MAP3K9: variants seen among roughly 807,000 people sequenced by gnomAD.
MAP3K9 encodes the protein mixed lineage kinase 1 (tyr and ser/thr specificity).
Under a neutral mutation model 95.8 loss-of-function variants are expected in MAP3K9, and 46 were observed. The observed-to-expected ratio is 0.48, with a 90% CI of 0.38 to 0.61. MAP3K9 has a LOEUF of 0.61. MAP3K9 is among the 20% of genes least tolerant of loss of function. The pLI is 0.00. For missense variants in MAP3K9, 1,296 were observed against 1,474.3 expected (o/e 0.88, Z 1.98); for synonymous variants, 533 against 593.8 (o/e 0.90, Z 1.49).
At chr14:70,798,463 C>T (rs1342961745) in intron 2 of MAP3K9, among the ~76,000 whole-genome samples, 7 of 69,938 alleles carry the variant, frequency 1.0e-4, no homozygotes, top group Admixed American at 4.3e-4. Flanking sequence ...GAAAAGAGGT[C>T]ACCAAAAGTT....
At chr14:70,750,541 G>A (rs547506955) in intron 3 of MAP3K9, among the ~76,000 whole-genome samples, 3 of 152,282 alleles carry the variant, frequency 2.0e-5, no homozygotes, top group East Asian at 3.9e-4. Flanking sequence ...CTGGAGTGCA[G>A]TGGCGTGATC....
chr14:70,731,347 G>A (rs2053899995), intron 11 of MAP3K9, among the ~76,000 whole-genome samples: 2 of 152,130 alleles, frequency 1.3e-5, no homozygotes, highest in African/African-American at 2.4e-5. Flanking sequence ...TACTTGGGAG[G>A]CTGAGGCAAG....
At chr14:70,750,115 A>C in intron 3 of MAP3K9, 34 bp from the exon 4 acceptor site, 1 of 1,608,148 alleles carries the variant, frequency 6.2e-7, no homozygotes, top group African/African-American at 1.4e-5. Context: ...GCCATGTAAT[A>C]AACTTCAGGT....
At position 70,728,155 on chromosome 14, in the gene MAP3K9, CTT is replaced by C. The variant is rs1301991543; in HGVS notation, c.*2223_*2224del. On this transcript the variant is annotated 3_prime_UTR_variant, in exon 12 of 12. Coordinates refer to ENST00000554752, the MANE Select transcript of MAP3K9 (RefSeq NM_001284230.2). ...TTTTTTTTTGAGACAGAGTTTCTCTCTTGTTGCCCAGGCTGGAGTGCAATGGC... is the reference window on the plus strand; with the variant it reads ...TTTTTTTTTGAGACAGAGTTTCTCTCGTTGCCCAGGCTGGAGTGCAATGGC... The C allele has an allele frequency of 4.7e-5, 5 of 107,488 alleles. No homozygotes were observed. Among genetic ancestry groups the C allele is most frequent in the African/African-American group, 6.7e-5 (2 of 29,714 alleles). 6.7% of individuals were successfully genotyped at this position (107,488 alleles called of 1,614,324 possible). A position where few individuals can be genotyped will look rare whatever the true frequency, so the allele number is the denominator to read the frequency against.
At chr14:70,793,217 G>A (rs1406661717) in intron 2 of MAP3K9, among the ~76,000 whole-genome samples, 2 of 152,262 alleles carry the variant, frequency 1.3e-5, no homozygotes, top group Non-Finnish European at 2.9e-5. Flanking sequence ...ACGTGGGCCA[G>A]TGAGTTAGCC....
intron 2 of MAP3K9, among the ~76,000 whole-genome samples, chr14:70,774,984 A>C (rs1390410703): frequency 3.9e-3 from 16 of 4,054 alleles, no homozygotes; most frequent in Admixed American, 0.023. Context: ...CTCTGTCCCC[A>C]AAAAAAAAAA....
chr14:70,761,491 A>T lies in MAP3K9; in HGVS notation c.821-309T>A, dbSNP rs78189178. 8.3e-3 allele frequency among the ~76,000 whole-genome samples: 1,263 copies of T among 152,340 alleles called. 16 individuals are homozygous for T. Among genetic ancestry groups the T allele is most frequent in the African/African-American group, 0.028 (1,160 of 41,578 alleles). On this transcript the variant is annotated intron_variant, in intron 2 of 11. Transcript: ENST00000554752. ...ATTAAATAAATTCCTGGCTGGGCAC[A>T]GTGGTTCACGCATGTAATCCCAGCA... is the stretch of plus-strand genomic sequence containing the variant.
chr14:70,767,552 C>T (rs1158526954), intron 2 of MAP3K9, among the ~76,000 whole-genome samples: 1 of 151,956 alleles, frequency 6.6e-6, no homozygotes, highest in Non-Finnish European at 1.5e-5. Flanking sequence ...AGAGTAATAC[C>T]TCAGCCAGGG....
chr14:70,748,850 G>A lies in MAP3K9; in HGVS notation c.1305C>T (p.Asp435=). 1 of 1,612,654 alleles carries A rather than the reference G, an allele frequency of 6.2e-7. No individual in the cohort carries two copies. Residue 435 remains aspartate (D), a synonymous_variant, in exon 5 of 12, where the codon GAC becomes GAT. Coordinates refer to ENST00000554752, the MANE Select transcript of MAP3K9 (RefSeq NM_001284230.2). Reference sequence around the variant, plus strand: ...TTACCTTTTCTTTGGCCCTGAGTTGGTCAAACATCTCCTGAATCTCGTGTT... The same window carrying A: ...TTACCTTTTCTTTGGCCCTGAGTTGATCAAACATCTCCTGAATCTCGTGTT... ...NWKHEIQEMF[D]QLRAKEKELR...
At chr14:70,762,981 G>A (rs1191960306) in intron 2 of MAP3K9, among the ~76,000 whole-genome samples, 2 of 146,436 alleles carry the variant, frequency 1.4e-5, no homozygotes, top group Non-Finnish European at 1.5e-5. Flanking sequence ...TGTTTAAAGA[G>A]GAAAGCTTTA....
In MAP3K9 at chr14:70,723,694, T is replaced by G. The variant is rs1056818029; in HGVS notation, c.*6686A>C. 11 of 152,202 alleles carry G rather than the reference T, an allele frequency of 7.2e-5. No homozygotes were observed. Among genetic ancestry groups the G allele is most frequent in the Admixed American group, 2.0e-4 (3 of 15,288 alleles). 9.4% of individuals were successfully genotyped at this position (152,202 alleles called of 1,614,324 possible). On this transcript the variant is annotated 3_prime_UTR_variant, in exon 12 of 12. Transcript: ENST00000554752. ...CATCAGAGCCTTGGTTTCCACATTC[T>G]TAAATGGGGGTAATACCCACATCCC...
chr14:70,745,686 C>T (rs1357595111), intron 5 of MAP3K9, among the ~76,000 whole-genome samples: 1 of 151,158 alleles, frequency 6.6e-6, no homozygotes, highest in African/African-American at 2.4e-5. Flanking sequence ...TGCAGTGAGC[C>T]GAGATCATGC....
At chr14:70,804,392 T>C (rs1195050455) in intron 1 of MAP3K9, among the ~76,000 whole-genome samples, 2 of 152,242 alleles carry the variant, frequency 1.3e-5, no homozygotes, top group African/African-American at 4.8e-5. Context: ...TATGCCTATG[T>C]TATAAAGAAA....
In MAP3K9 at chr14:70,736,023, AG is replaced by A; in HGVS notation, c.1850del (p.Pro617LeufsTer10). The A allele has an allele frequency of 6.2e-7, 1 of 1,611,284 alleles. No individual in the cohort carries two copies. The highest frequency in any genetic ancestry group is 8.5e-7 in the Non-Finnish European group (1 of 1,177,464). On this transcript the variant is annotated frameshift_variant, in exon 9 of 12. Coordinates refer to ENST00000554752, the MANE Select transcript of MAP3K9 (RefSeq NM_001284230.2). LOFTEE classifies it high-confidence loss of function. ...AACCATTAGCTTTCTCACGTCTCTG[AG>A]GGGATCTTCAATGAATAAAGAGAAT... ...KELASGDEGS[P>X]QRREKANGLS...
chr14:70,739,892 G>A (rs1433873363), intron 7 of MAP3K9, 150 bp downstream of exon 7: 1 of 1,600,538 alleles, frequency 6.2e-7, no homozygotes. Context: ...CTAAGGGTTT[G>A]CGTACATATG....
intron 2 of MAP3K9, among the ~76,000 whole-genome samples, chr14:70,781,314 C>T (rs1428031440): frequency 6.6e-6 from 1 of 152,230 alleles, no homozygotes; most frequent in African/African-American, 2.4e-5. Context: ...CATCAGCAGT[C>T]CTGGCCTCCA....
At chr14:70,799,526 A>T (rs935228942) in intron 2 of MAP3K9, among the ~76,000 whole-genome samples, 6 of 151,942 alleles carry the variant, frequency 3.9e-5, no homozygotes, top group African/African-American at 1.5e-4. Context: ...TTTTTAGTGG[A>T]GACGGGGTTT....
chr14:70,762,177 C>T (rs2054385001), intron 2 of MAP3K9, among the ~76,000 whole-genome samples: 1 of 152,168 alleles, frequency 6.6e-6, no homozygotes, highest in African/African-American at 2.4e-5. Context: ...TTTCCACTTT[C>T]TGGCTACTGT....
At chr14:70,787,087 T>G (rs1050663740) in intron 2 of MAP3K9, among the ~76,000 whole-genome samples, 1 of 152,202 alleles carries the variant, frequency 6.6e-6, no homozygotes, top group Non-Finnish European at 1.5e-5. Context: ...AACAGTTGTA[T>G]CTGCACACTG....
Sources: allele counts gnomAD v4.1 joint callset (sites outside exome capture counted in the v4.1 genomes callset), GRCh38; gene constraint gnomAD v4.1.1; transcripts MANE v1.5; gene names NCBI Gene and HGNC (gene_info 2026-07-23, HGNC 2026-07-21).